Variants in TMEM243 observed in about 807,000 individuals in gnomAD.
TMEM243 encodes the protein transmembrane protein 243, also known as MDR1 and mitochondrial taxol resistance associated.
Under a neutral mutation model 15.0 loss-of-function variants are expected in TMEM243, and 20 were observed. The ratio of observed to expected loss-of-function variants is 1.33; its 90% CI spans 0.94 to 1.93. The LOEUF (loss-of-function observed/expected upper bound fraction) is 1.93, where lower values mean the gene tolerates loss of function less well. TMEM243 is among the 30% of genes most tolerant of loss of function. The probability of loss-of-function intolerance (pLI) is 0.00; values close to 1 mark genes in which losing one functional copy is unlikely to be tolerated. For synonymous variants in TMEM243, 72 were observed against 52.7 expected (o/e 1.37, Z -1.59); for missense variants, 156 against 142.1 (o/e 1.10, Z -0.50).
chr7:87,198,338 G>A, intron 2 of TMEM243: 1 of 303,216 alleles, frequency 3.3e-6, no homozygotes, highest in Non-Finnish European at 6.0e-6. Flanking sequence ...TGATTCTGCT[G>A]GTAAAAGTTC....
At chr7:87,203,294 T>G (rs1801954727) in intron 1 of TMEM243, among the ~76,000 whole-genome samples, 1 of 151,154 alleles carries the variant, frequency 6.6e-6, no homozygotes, top group Non-Finnish European at 1.5e-5. Context: ...TGGGGAATGG[T>G]GGAATGGGGG....
At chr7:87,201,389 C>T (rs555045324) in intron 1 of TMEM243, among the ~76,000 whole-genome samples, 13 of 152,154 alleles carry the variant, frequency 8.5e-5, no homozygotes, top group Non-Finnish European at 1.6e-4. Flanking sequence ...TCAGAATCTG[C>T]GTTTTAACAG....
rs982274495 is a variant in TMEM243, at chr7:87,198,786, A to G, written c.129+221T>C. 1.1e-5 allele frequency: 5 copies of G among 468,698 alleles called. No individual in the cohort carries two copies. The South Asian group carries it at 1.9e-4, about 18-fold the overall frequency. 29.0% of individuals were successfully genotyped at this position (468,698 alleles called of 1,614,324 possible). A position where few individuals can be genotyped will look rare whatever the true frequency, so the allele number is the denominator to read the frequency against. On this transcript the variant is annotated intron_variant, in intron 2 of 3. Transcript: ENST00000257637. The stretch of plus-strand genomic sequence containing the variant: ...CAAATTTACTAGGCAAAACATGGTA[A>G]ACTCAATTATCTTAAAACGAAGTTG...
chr7:87,205,231 CAA>C (rs1802117517), intron 1 of TMEM243, among the ~76,000 whole-genome samples: 1 of 152,200 alleles, frequency 6.6e-6, no homozygotes, highest in Admixed American at 6.5e-5. Flanking sequence ...GGGGCTGCCT[CAA>C]AGGTCTCTGA....
At chr7:87,211,098 C>T (rs1013705903) in intron 1 of TMEM243, among the ~76,000 whole-genome samples, 4 of 152,208 alleles carry the variant, frequency 2.6e-5, no homozygotes, top group African/African-American at 9.7e-5. Flanking sequence ...TGCTGTGAAG[C>T]TCTCTGAAAT....
chr7:87,219,080 C>T (rs1421306609), intron 1 of TMEM243, among the ~76,000 whole-genome samples: 2 of 152,084 alleles, frequency 1.3e-5, no homozygotes, highest in Non-Finnish European at 2.9e-5. Context: ...TGGGCGCACA[C>T]CTGAAGTCTC....
At chr7:87,209,956 CAG>C (rs1271769242) in intron 1 of TMEM243, among the ~76,000 whole-genome samples, 7 of 98,302 alleles carry the variant, frequency 7.1e-5, no homozygotes, top group African/African-American at 2.5e-4. Flanking sequence ...GACAGAGAGA[CAG>C]AGGAGGGGGA....
intron 1 of TMEM243, among the ~76,000 whole-genome samples, chr7:87,208,366 G>A (rs1208375551): frequency 3.9e-5 from 6 of 152,194 alleles, no homozygotes; most frequent in African/African-American, 1.4e-4. Flanking sequence ...CAGGCCCCAT[G>A]CAAATCCAAA....
intron 1 of TMEM243, among the ~76,000 whole-genome samples, chr7:87,205,935 C>T (rs1004549172): frequency 1.3e-4 from 20 of 152,030 alleles, no homozygotes; most frequent in African/African-American, 3.1e-4. Flanking sequence ...TGTATTAGCC[C>T]GTTTTCACAC....
intron 1 of TMEM243, chr7:87,216,904 A>G (rs1803158359): frequency 6.6e-6 from 1 of 152,238 alleles, no homozygotes; most frequent in South Asian, 2.1e-4. Context: ...AACTACTTGT[A>G]TGACTGAACA....
intron 1 of TMEM243, among the ~76,000 whole-genome samples, chr7:87,216,321 C>T (rs1261966601): frequency 6.6e-6 from 1 of 150,520 alleles, no homozygotes; most frequent in Admixed American, 6.6e-5. Context: ...TAGAAGGCGC[C>T]TATAGTCCCA....
At chr7:87,213,719 T>C (rs1351032851) in intron 1 of TMEM243, among the ~76,000 whole-genome samples, 1 of 152,208 alleles carries the variant, frequency 6.6e-6, no homozygotes, top group African/African-American at 2.4e-5. Flanking sequence ...TGCTCCAAGT[T>C]TGAATTGCTT....
chr7:87,220,454 G>A (rs1803450389), upstream of TMEM243: 1 of 152,288 alleles, frequency 6.6e-6, no homozygotes, highest in Non-Finnish European at 1.5e-5. Flanking sequence ...ATCCGGTGCC[G>A]AGGCCCAGGA....
chr7:87,218,029 ACTCT>A (rs1234809269), intron 1 of TMEM243, among the ~76,000 whole-genome samples: 2 of 152,252 alleles, frequency 1.3e-5, no homozygotes, highest in African/African-American at 4.8e-5. Context: ...CTGGGGAGGC[ACTCT>A]CTTAGTTCTT....
intron 1 of TMEM243, among the ~76,000 whole-genome samples, chr7:87,204,765 T>C (rs1203084282): frequency 2.0e-5 from 3 of 152,202 alleles, no homozygotes; most frequent in Non-Finnish European, 4.4e-5. Context: ...TCCAGGCACA[T>C]GGAGCAAGTT....
At chr7:87,219,158 G>A (rs146803172) in intron 1 of TMEM243, among the ~76,000 whole-genome samples, 2 of 152,182 alleles carry the variant, frequency 1.3e-5, no homozygotes, top group East Asian at 1.9e-4. Flanking sequence ...CTCCGGAGGG[G>A]GTTCCCGCAC....
At chr7:87,219,905 C>A (rs1803392528), upstream of TMEM243, among the ~76,000 whole-genome samples, 1 of 152,228 alleles carries the variant, frequency 6.6e-6, no homozygotes, top group Non-Finnish European at 1.5e-5. Context: ...GCAGTCCCCT[C>A]GCCCCGGGAG....
chr7:87,209,630 TAGAG>T (rs1222412095), intron 1 of TMEM243, among the ~76,000 whole-genome samples: 8 of 49,832 alleles, frequency 1.6e-4, no homozygotes, highest in East Asian at 1.3e-3. Context: ...GAGACTGAGA[TAGAG>T]AGCGAGAGAG....
chr7:87,213,715 A>C (rs370612101), intron 1 of TMEM243, among the ~76,000 whole-genome samples: 3 of 152,200 alleles, frequency 2.0e-5, no homozygotes, highest in African/African-American at 7.2e-5. Context: ...CAAATGCTCC[A>C]AGTTTGAATT....
Sources: allele counts gnomAD v4.1 joint callset (sites outside exome capture counted in the v4.1 genomes callset), GRCh38; gene constraint gnomAD v4.1.1; transcripts MANE v1.5; gene names NCBI Gene and HGNC (gene_info 2026-07-23, HGNC 2026-07-21).